The following HNMT variants were observed in gnomAD, a reference collection of about 807,000 sequenced individuals.
The protein encoded by HNMT is histamine N-methyltransferase.
HNMT carries 30 observed loss-of-function variants against 32.1 expected under a neutral mutation model. That is an observed-to-expected ratio of 0.93 (90% confidence interval 0.70 to 1.27). HNMT has a LOEUF of 1.27. Among genes scored for constraint, HNMT ranks in the 50% most tolerant of loss-of-function variants. The probability of loss-of-function intolerance (pLI) is 0.00; values close to 1 mark genes in which losing one functional copy is unlikely to be tolerated. For synonymous variants in HNMT, 125 were observed against 119.0 expected (o/e 1.05, Z -0.33); for missense variants, 327 against 346.0 (o/e 0.95, Z 0.43).
chr2:137,982,392 G>T (rs1301572848), intron 2 of HNMT, among the ~76,000 whole-genome samples: 2 of 152,120 alleles, frequency 1.3e-5, no homozygotes, highest in African/African-American at 4.8e-5. Flanking sequence ...TACAGCTTGT[G>T]TGAAAGCAGG....
intron 5 of HNMT, among the ~76,000 whole-genome samples, chr2:138,005,867 T>A (rs992290316): frequency 2.6e-5 from 4 of 152,026 alleles, no homozygotes; most frequent in Admixed American, 2.0e-4. Context: ...ACAGTATTTA[T>A]TACTTCTTTC....
chr2:138,003,608 C>G (rs1214236064), intron 4 of HNMT, among the ~76,000 whole-genome samples: 2 of 152,006 alleles, frequency 1.3e-5, no homozygotes, highest in African/African-American at 4.8e-5. Flanking sequence ...GCTTTTGTTC[C>G]CACTTCCTCA....
intron 4 of HNMT, among the ~76,000 whole-genome samples, chr2:138,004,150 C>A (rs1041210416): frequency 1.3e-5 from 2 of 152,030 alleles, no homozygotes; most frequent in Non-Finnish European, 2.9e-5. Flanking sequence ...CTATGGCCCA[C>A]TTCCACATTT....
chr2:137,980,450 C>T (rs1483669961), intron 2 of HNMT, among the ~76,000 whole-genome samples: 1 of 152,214 alleles, frequency 6.6e-6, no homozygotes, highest in Non-Finnish European at 1.5e-5. Context: ...ACCGAGTATA[C>T]TTCAGCTCTG....
intron 1 of HNMT, among the ~76,000 whole-genome samples, chr2:137,967,912 A>G (rs1680008648): frequency 6.6e-6 from 1 of 152,106 alleles, no homozygotes; most frequent in Non-Finnish European, 1.5e-5. Context: ...TATGTTAGAC[A>G]GCTCCCCAAC....
intron 4 of HNMT, chr2:138,002,657 G>A (rs573567871): frequency 1.4e-4 from 39 of 285,778 alleles, no homozygotes; most frequent in Non-Finnish European, 1.9e-4. Context: ...ATGTTGCCCA[G>A]GCTGGTCTTG....
intron 2 of HNMT, among the ~76,000 whole-genome samples, chr2:137,996,732 G>C (rs1681008434): frequency 6.6e-6 from 1 of 152,074 alleles, no homozygotes; most frequent in Non-Finnish European, 1.5e-5. Flanking sequence ...TAAGCAAAAG[G>C]AGCAAAGCTG....
intron 3 of HNMT, among the ~76,000 whole-genome samples, chr2:138,001,671 T>C (rs1330305430): frequency 6.6e-6 from 1 of 152,166 alleles, no homozygotes; most frequent in Non-Finnish European, 1.5e-5. Flanking sequence ...TGTTTTTAGC[T>C]TGCGGTTCAT....
intron 2 of HNMT, among the ~76,000 whole-genome samples, chr2:137,977,439 G>A (rs1008354597): frequency 2.0e-5 from 3 of 152,086 alleles, no homozygotes; most frequent in Admixed American, 1.3e-4. Flanking sequence ...TATAGATAGT[G>A]AACCTAATAA....
intron 4 of HNMT, among the ~76,000 whole-genome samples, chr2:138,003,716 G>A (rs766135827): frequency 3.3e-5 from 5 of 151,964 alleles, no homozygotes; most frequent in Non-Finnish European, 5.9e-5. Flanking sequence ...AATGTATAGA[G>A]AAAATAGAAA....
intron 2 of HNMT, among the ~76,000 whole-genome samples, chr2:137,974,948 G>A (rs1052911294): frequency 6.6e-6 from 1 of 152,130 alleles, no homozygotes; most frequent in Non-Finnish European, 1.5e-5. Flanking sequence ...TTCTACAGAG[G>A]TTAAAACCTA....
At chr2:137,997,436 T>A (rs923208655) in intron 2 of HNMT, among the ~76,000 whole-genome samples, 1 of 152,178 alleles carries the variant, frequency 6.6e-6, no homozygotes, top group Non-Finnish European at 1.5e-5. Flanking sequence ...TCAATATCGC[T>A]GATCATCAGA....
chr2:138,012,959 ATGCGCCAG>A (rs2104993542), intron 5 of HNMT, among the ~76,000 whole-genome samples: 1 of 151,874 alleles, frequency 6.6e-6, no homozygotes, highest in African/African-American at 2.4e-5. Flanking sequence ...CTCTGCCCTT[ATGCGCCAG>A]TACTCTCTTC....
rs1260538926 is a variant in HNMT, at chr2:138,002,819, G to C, written c.429+625G>C. The C allele has an allele frequency of 3.1e-6, 3 of 958,934 alleles. No individual in the cohort carries two copies. In the African/African-American group the frequency reaches 5.3e-5, roughly 17 times the overall value. The allele number at this position is 958,934 out of a possible 1,614,324, so 59.4% of individuals were successfully genotyped here. ...TGATAGCATCATAACATATTCTCTA[G>C]TGGCTCTAATGGTTTGGGTGGACCA... On this transcript the variant is annotated intron_variant, in intron 4 of 5. Transcript: ENST00000280097.
Position 138,013,812 on chromosome 2 carries a change from A to T in HNMT, c.561A>T (p.Gly187=). The change falls in exon 6 of 6, where the codon GGA becomes GGT. Residue 187 remains glycine, a synonymous_variant. Transcript: ENST00000280097. ...GGGACAAGCTGTGGAAAAAGTACGG[A>T]TCACGCTTTCCCCAGGATGACCTCT... The part of the protein sequence containing the change: ...SGWDKLWKKY[G]SRFPQDDLCQ... 6.2e-7 allele frequency: 1 copy of T among 1,613,428 alleles called. No individual in the cohort carries two copies. The highest frequency in any genetic ancestry group is 8.5e-7 in the Non-Finnish European group (1 of 1,179,682).
At chr2:137,988,439 A>T (rs1161320457) in intron 2 of HNMT, 2 of 152,230 alleles carry the variant, frequency 1.3e-5, no homozygotes, top group Non-Finnish European at 2.9e-5. Flanking sequence ...TTGAGTGATG[A>T]TGGATAGCAA....
chr2:138,003,370 T>C lies in HNMT; in HGVS notation c.429+1176T>C, dbSNP rs546650242. Among the ~76,000 whole-genome samples, 3 of 152,246 alleles carry C rather than the reference T, an allele frequency of 2.0e-5. No homozygotes were observed. In the East Asian group the frequency reaches 5.8e-4, roughly 29 times the overall value. On this transcript the variant is annotated intron_variant, in intron 4 of 5. Coordinates refer to ENST00000280097, the MANE Select transcript of HNMT (RefSeq NM_006895.3). ...GTTGGTTACCAACGGGAAATGTACG[T>C]ATTTTGGCAATACCACTTGATTAAC... is the stretch of plus-strand genomic sequence containing the variant.
At chr2:137,979,886 T>C (rs1018180080) in intron 2 of HNMT, among the ~76,000 whole-genome samples, 2 of 152,144 alleles carry the variant, frequency 1.3e-5, no homozygotes, top group African/African-American at 4.8e-5. Context: ...AACAAAACTA[T>C]AATTTTATAT....
chr2:137,971,493 A>C (rs1353953183), intron 2 of HNMT, among the ~76,000 whole-genome samples: 5 of 152,138 alleles, frequency 3.3e-5, no homozygotes, highest in Non-Finnish European at 5.9e-5. Context: ...ATACTTTTAT[A>C]GGCATTTTAT....
Sources: gnomAD v4.1 joint callset for allele counts (sites outside exome capture counted in the v4.1 genomes callset) on GRCh38, gnomAD v4.1.1 for gene constraint, MANE v1.5 for transcripts, NCBI Gene and HGNC (gene_info 2026-07-23, HGNC 2026-07-21) for gene names.